ZNF385D: variants seen among roughly 807,000 people sequenced by gnomAD.
ZNF385D encodes zinc finger protein 659.
Under a neutral mutation model 35.8 loss-of-function variants are expected in ZNF385D, and 15 were observed. The ratio of observed to expected loss-of-function variants is 0.42; its 90% confidence interval spans 0.28 to 0.64. The LOEUF (loss-of-function observed/expected upper bound fraction) is 0.64, where lower values mean the gene tolerates loss of function less well. Among genes scored for constraint, ZNF385D ranks in the 30% least tolerant of loss-of-function variants. The probability of loss-of-function intolerance (pLI) is 0.23; values close to 1 mark genes in which losing one functional copy is unlikely to be tolerated. For synonymous variants in ZNF385D, 212 were observed against 186.8 expected, an observed-to-expected ratio of 1.13 and a Z score of -1.10; for missense variants, 474 against 494.6, an observed-to-expected ratio of 0.96 and a Z score of 0.39.
At chr3:21,843,432 T>C (rs1471934827) in intron 3 of ZNF385D, among the ~76,000 whole-genome samples, 1 of 151,960 alleles carries the variant, frequency 6.6e-6, no homozygotes, top group Non-Finnish European at 1.5e-5. Flanking sequence ...GCGAGCCTGT[T>C]GTCCACTTTA....
intron 2 of ZNF385D, among the ~76,000 whole-genome samples, chr3:22,234,183 A>G (rs555343625): frequency 1.3e-5 from 2 of 152,186 alleles, no homozygotes; most frequent in African/African-American, 4.8e-5. Context: ...ATCATATTCA[A>G]CTGGACTCAG....
chr3:21,615,241 C>T (rs1024013544), intron 2 of ZNF385D, among the ~76,000 whole-genome samples: 10 of 152,088 alleles, frequency 6.6e-5, no homozygotes, highest in Non-Finnish European at 1.0e-4. Flanking sequence ...TCCATCCTCT[C>T]GCTCTCTTGC....
At chr3:21,767,140 G>C (rs2070865009) in intron 3 of ZNF385D, among the ~76,000 whole-genome samples, 1 of 147,942 alleles carries the variant, frequency 6.8e-6, no homozygotes, top group African/African-American at 2.5e-5. Context: ...GAATTTGGTA[G>C]CAAATATTGT....
intron 3 of ZNF385D, among the ~76,000 whole-genome samples, chr3:21,522,906 G>C (rs1438326161): frequency 1.3e-5 from 2 of 152,184 alleles, no homozygotes; most frequent in Non-Finnish European, 2.9e-5. Flanking sequence ...TTAGTGTTTA[G>C]TTAGGTGCTA....
chr3:21,979,054 T>C (rs1371877672), intron 3 of ZNF385D, among the ~76,000 whole-genome samples: 1 of 152,164 alleles, frequency 6.6e-6, no homozygotes, highest in African/African-American at 2.4e-5. Context: ...AGGTGACACT[T>C]AGCACAATAG....
chr3:21,540,693 G>C (rs1228950086), intron 3 of ZNF385D, among the ~76,000 whole-genome samples: 1 of 152,196 alleles, frequency 6.6e-6, no homozygotes. Flanking sequence ...AATCTCCACA[G>C]ATTTCGTAAA....
chr3:22,215,333 A>G (rs561596060), intron 2 of ZNF385D, among the ~76,000 whole-genome samples: 1 of 152,162 alleles, frequency 6.6e-6, no homozygotes, highest in South Asian at 2.1e-4. Context: ...ACAGAGCCAT[A>G]TTTCTCTTCT....
At chr3:21,832,770 C>G in intron 3 of ZNF385D, among the ~76,000 whole-genome samples, 1 of 152,126 alleles carries the variant, frequency 6.6e-6, no homozygotes, top group East Asian at 1.9e-4. Context: ...TGAAGTTGTA[C>G]TAGACATTTC....
intron 3 of ZNF385D, among the ~76,000 whole-genome samples, chr3:22,073,835 T>C (rs1337202006): frequency 6.6e-6 from 1 of 152,026 alleles, no homozygotes; most frequent in Non-Finnish European, 1.5e-5. Context: ...GTTATTTATT[T>C]ATACTGAGAA....
intron 2 of ZNF385D, among the ~76,000 whole-genome samples, chr3:22,304,465 T>C (rs1353783564): frequency 6.6e-6 from 1 of 152,176 alleles, no homozygotes; most frequent in Non-Finnish European, 1.5e-5. Context: ...TTAGAGACTT[T>C]TCCCTTTACG....
At chr3:21,887,940 T>A (rs528504264) in intron 3 of ZNF385D, among the ~76,000 whole-genome samples, 3 of 152,138 alleles carry the variant, frequency 2.0e-5, no homozygotes, top group African/African-American at 4.8e-5. Flanking sequence ...ATTGAAATAA[T>A]ATTAATACTT....
In ZNF385D at chr3:22,164,216, C is replaced by CTTTTT. The variant is rs571978176; in HGVS notation, c.325+4596_325+4600dup. Reference sequence around the variant, plus strand: ...CACTATAGGTAATACAAAAGGAGCACTTTTTTTTTTTTTTTTTTTTTTTTT... The same window carrying CTTTTT: ...CACTATAGGTAATACAAAAGGAGCACTTTTTTTTTTTTTTTTTTTTTTTTTTTTTT... On this transcript the variant is annotated intron_variant, in intron 3 of 5. Transcript: ENST00000494108. 1.0e-3 allele frequency among the ~76,000 whole-genome samples: 76 copies of CTTTTT among 74,934 alleles called. 7 individuals carry two copies. Among genetic ancestry groups the CTTTTT allele is most frequent in the East Asian group, 1.7e-3 (3 of 1,736 alleles). 49.2% of individuals were successfully genotyped at this position (74,934 alleles called of 152,430 possible). A position where few individuals can be genotyped will look rare whatever the true frequency, so the allele number is the denominator to read the frequency against.
At chr3:21,862,558 T>G (rs1220674392) in intron 3 of ZNF385D, among the ~76,000 whole-genome samples, 1 of 152,128 alleles carries the variant, frequency 6.6e-6, no homozygotes, top group Non-Finnish European at 1.5e-5. Context: ...TGTGGCACAT[T>G]TGAATGAAGG....
chr3:22,117,161 C>A lies in ZNF385D; in HGVS notation c.325+51656G>T, dbSNP rs570968272. 2.6e-5 allele frequency among the ~76,000 whole-genome samples: 4 copies of A among 152,036 alleles called. No homozygotes were observed. The East Asian group carries it at 7.7e-4, about 29-fold the overall frequency. On this transcript the variant is annotated intron_variant, in intron 3 of 5. Coordinates refer to the ZNF385D transcript ENST00000494108. The stretch of plus-strand genomic sequence containing the variant: ...TCTAAAACATACTTATGTTAACAAA[C>A]AGAAAAATCCAGCAATATGGAGCTT...
intron 3 of ZNF385D, among the ~76,000 whole-genome samples, chr3:21,910,219 G>T (rs968591606): frequency 5.3e-5 from 8 of 151,922 alleles, no homozygotes; most frequent in African/African-American, 1.7e-4. Context: ...TCACTGTTTA[G>T]TACATTGTTG....
chr3:21,742,781 C>G (rs2069580726), intron 1 of ZNF385D, among the ~76,000 whole-genome samples: 2 of 152,164 alleles, frequency 1.3e-5, no homozygotes, highest in South Asian at 2.1e-4. Context: ...TCACCATTCC[C>G]CATGTGGCTT....
intron 1 of ZNF385D, among the ~76,000 whole-genome samples, chr3:21,732,050 T>G (rs906747355): frequency 0.013 from 925 of 71,140 alleles, 192 homozygotes; most frequent in Non-Finnish European, 0.022. Flanking sequence ...TTTTTTTTTT[T>G]TTTTTTTTTT....
At position 21,911,827 on chromosome 3, in the gene ZNF385D, T is replaced by C. The variant is rs577594933; in HGVS notation, c.326-246799A>G. Among the ~76,000 whole-genome samples the C allele has an allele frequency of 1.4e-3, 214 of 152,090 alleles. 2 individuals are homozygous for C. Among genetic ancestry groups the C allele is most frequent in the African/African-American group, 5.0e-3 (206 of 41,552 alleles). ...AATCGTCCCAAGATTTTTAGACAAG[T>C]GGTGCTTTATAAGACAAATATTTAC... On this transcript the variant is annotated intron_variant, in intron 3 of 5. Transcript: ENST00000494108.
intron 4 of ZNF385D, among the ~76,000 whole-genome samples, chr3:21,456,738 A>AAAATAAAT (rs10662695): frequency 1.3e-5 from 2 of 151,246 alleles, no homozygotes; most frequent in African/African-American, 4.9e-5. Flanking sequence ...AGTATAATAA[A>AAAATAAAT]AAATAAATAA....
Sources: gnomAD v4.1 joint callset for allele counts (sites outside exome capture counted in the v4.1 genomes callset) on GRCh38, gnomAD v4.1.1 for gene constraint, MANE v1.5 for transcripts, NCBI Gene and HGNC (gene_info 2026-07-23, HGNC 2026-07-21) for gene names.